Variants in KCNAB1 observed in about 807,000 individuals in gnomAD.
KCNAB1 encodes the protein voltage-gated potassium channel subunit beta-1.
KCNAB1 carries 35 observed loss-of-function variants against 64.6 expected under a neutral mutation model. The observed-to-expected ratio is 0.54, with a 90% CI of 0.41 to 0.72. The LOEUF is 0.72. Ranked by LOEUF, KCNAB1 falls within the 30% of genes least tolerant of loss-of-function variation. KCNAB1 has a pLI of 0.00. For synonymous variants in KCNAB1, 177 were observed against 183.8 expected (o/e 0.96, Z 0.30); for missense variants, 401 against 512.9 (o/e 0.78, Z 2.11).
chr3:156,155,068 G>T (rs1377983557), intron 1 of KCNAB1, among the ~76,000 whole-genome samples: 1 of 152,158 alleles, frequency 6.6e-6, no homozygotes, highest in Non-Finnish European at 1.5e-5. Context: ...TGGAAAAACA[G>T]GTTCATGCAG....
intron 1 of KCNAB1, among the ~76,000 whole-genome samples, chr3:156,341,718 TATAGAA>T (rs1396470644): frequency 1.3e-5 from 2 of 152,102 alleles, no homozygotes; most frequent in African/African-American, 4.8e-5. Flanking sequence ...AGAAAAAAAA[TATAGAA>T]AGAAATATAT....
intron 1 of KCNAB1, among the ~76,000 whole-genome samples, chr3:156,329,491 T>C (rs559799190): frequency 6.6e-6 from 1 of 152,220 alleles, no homozygotes; most frequent in East Asian, 1.9e-4. Context: ...CAGCTGGGCC[T>C]TATGCACCAG....
intron 11 of KCNAB1, among the ~76,000 whole-genome samples, chr3:156,518,908 C>T (rs1259663899): frequency 6.6e-6 from 1 of 152,208 alleles, no homozygotes; most frequent in Non-Finnish European, 1.5e-5. Flanking sequence ...TGGAATCTAT[C>T]CTCACCCCCA....
chr3:156,507,402 G>A (rs1028562441), intron 8 of KCNAB1, among the ~76,000 whole-genome samples: 4 of 152,190 alleles, frequency 2.6e-5, no homozygotes, highest in African/African-American at 9.7e-5. Context: ...TAAGGCAAAT[G>A]GAACCAGGCT....
intron 1 of KCNAB1, chr3:156,143,264 G>T (rs1205775551): frequency 6.2e-7 from 1 of 1,613,978 alleles, no homozygotes; most frequent in African/African-American, 1.3e-5. Flanking sequence ...CTAAAATGTA[G>T]ATGGCACCTA....
upstream of KCNAB1, among the ~76,000 whole-genome samples, chr3:156,119,842 A>G (rs1467428279): frequency 6.6e-6 from 1 of 152,174 alleles, no homozygotes; most frequent in African/African-American, 2.4e-5. Context: ...ACACACATAC[A>G]CATCCATGCA....
intron 5 of KCNAB1, 52 bp downstream of exon 5, chr3:156,459,923 A>G (rs1298783561): frequency 7.5e-7 from 1 of 1,337,450 alleles, no homozygotes; most frequent in East Asian, 2.3e-5. Flanking sequence ...ATTTTGCACC[A>G]GAGAAGGAAA....
chr3:156,298,306 G>A (rs781010977), intron 1 of KCNAB1, among the ~76,000 whole-genome samples: 18 of 152,200 alleles, frequency 1.2e-4, no homozygotes, highest in Non-Finnish European at 1.8e-4. Context: ...ATGCATGTGC[G>A]CACGTGGACG....
At chr3:156,180,561 A>G (rs533239594) in intron 1 of KCNAB1, among the ~76,000 whole-genome samples, 26 of 152,170 alleles carry the variant, frequency 1.7e-4, no homozygotes, top group African/African-American at 6.0e-4. Context: ...ACAATGATCC[A>G]TTTTCTACTT....
At chr3:156,136,815 A>G (rs1714371835) in intron 1 of KCNAB1, among the ~76,000 whole-genome samples, 1 of 152,226 alleles carries the variant, frequency 6.6e-6, no homozygotes, top group Non-Finnish European at 1.5e-5. Context: ...ACTTTTGAAT[A>G]AAGAGCAAGA....
chr3:156,247,755 A>G (rs764234955), intron 1 of KCNAB1, among the ~76,000 whole-genome samples: 15 of 152,032 alleles, frequency 9.9e-5, no homozygotes, highest in Non-Finnish European at 2.1e-4. Flanking sequence ...TAGTAGAGAC[A>G]GGGTTCGCCA....
rs184871052 is a variant in KCNAB1 at position 156,531,766 on chromosome 3, C to T, written c.1170+269C>T. Among the ~76,000 whole-genome samples, 12 of 152,324 alleles carry T rather than the reference C, an allele frequency of 7.9e-5. No homozygotes were observed. In the East Asian group the frequency reaches 1.9e-3, roughly 25 times the overall value. On this transcript the variant is annotated intron_variant, in intron 13 of 13. Coordinates refer to ENST00000490337, the MANE Select transcript of KCNAB1 (RefSeq NM_172160.3). ...ACGTGGCAACTGACTTCCCAGGCCT[C>T]GCCATAAAAGCCGGCCTGATAACTT...
At chr3:156,375,439 A>C (rs1254483765) in intron 1 of KCNAB1, among the ~76,000 whole-genome samples, 1 of 135,282 alleles carries the variant, frequency 7.4e-6, no homozygotes, top group Non-Finnish European at 1.5e-5. Context: ...CAAAGCTGGG[A>C]AGGGGCAGAG....
At chr3:156,143,915 T>G (rs1293594593) in intron 1 of KCNAB1, among the ~76,000 whole-genome samples, 3 of 150,966 alleles carry the variant, frequency 2.0e-5, no homozygotes, top group Non-Finnish European at 3.0e-5. Flanking sequence ...ATTTATTTAT[T>G]TATTTATTTA....
intron 1 of KCNAB1, among the ~76,000 whole-genome samples, chr3:156,170,313 A>G (rs548194652): frequency 6.6e-5 from 10 of 152,090 alleles, no homozygotes; most frequent in Admixed American, 3.9e-4. Flanking sequence ...GAAAGCAGCA[A>G]CTGCAGTTAT....
rs1327676387 is a variant in KCNAB1 at position 156,477,933 on chromosome 3, G to A, written c.658+3113G>A. Among the ~76,000 whole-genome samples the A allele has an allele frequency of 2.6e-5, 4 of 152,104 alleles. No individual in the cohort carries two copies. The East Asian group carries it at 7.7e-4, about 29-fold the overall frequency. ...AACAATTTTGTAACTCATACAGTGT[G>A]TGTATGGGAATAAAGTTGTACATGT... On this transcript the variant is annotated intron_variant, in intron 8 of 13. Coordinates refer to ENST00000490337, the MANE Select transcript of KCNAB1 (RefSeq NM_172160.3).
At chr3:156,473,989 G>A (rs1714147541) in intron 7 of KCNAB1, among the ~76,000 whole-genome samples, 1 of 152,112 alleles carries the variant, frequency 6.6e-6, no homozygotes, top group Non-Finnish European at 1.5e-5. Context: ...ATAGAAATGT[G>A]ACCAAATGGT....
intron 2 of KCNAB1, among the ~76,000 whole-genome samples, chr3:156,445,072 C>T (rs187803777): frequency 5.3e-5 from 8 of 152,230 alleles, no homozygotes; most frequent in African/African-American, 1.2e-4. Context: ...CTGCGGTGGG[C>T]GGATCACAGG....
chr3:156,504,789 G>T (rs1716719921), intron 8 of KCNAB1, among the ~76,000 whole-genome samples: 2 of 106,138 alleles, frequency 1.9e-5, no homozygotes, highest in African/African-American at 3.4e-5. Context: ...TGAATTCCTT[G>T]TATATTCTGA....
Sources: gnomAD v4.1 joint callset for allele counts (sites outside exome capture counted in the v4.1 genomes callset) on GRCh38, gnomAD v4.1.1 for gene constraint, MANE v1.5 for transcripts, NCBI Gene and HGNC (gene_info 2026-07-23, HGNC 2026-07-21) for gene names.